NOL4L: variants seen among roughly 807,000 people sequenced by gnomAD.
The protein encoded by NOL4L is nucleolar protein 4 like, also known as nucleolar protein 4-like.
A neutral mutation model predicts 64.5 loss-of-function variants in NOL4L; 7 were observed. The ratio of observed to expected loss-of-function variants is 0.11; its 90% confidence interval spans 0.06 to 0.20. The LOEUF (loss-of-function observed/expected upper bound fraction) is 0.20, where lower values mean the gene tolerates loss of function less well. Ranked by LOEUF, NOL4L falls within the 10% of genes least tolerant of loss-of-function variation. The probability of loss-of-function intolerance (pLI) is 1.00; values close to 1 mark genes in which losing one functional copy is unlikely to be tolerated. For synonymous variants in NOL4L, 413 were observed against 401.0 expected (o/e 1.03, Z -0.36); for missense variants, 680 against 967.1 (o/e 0.70, Z 3.94).
At chr20:32,465,849 G>A (rs1027599419) in intron 5 of NOL4L, among the ~76,000 whole-genome samples, 1 of 152,240 alleles carries the variant, frequency 6.6e-6, no homozygotes. Flanking sequence ...TGCCTCAGGA[G>A]GGCCTGTCCC....
intron 1 of NOL4L, among the ~76,000 whole-genome samples, chr20:32,569,896 T>A (rs1979655493): frequency 2.0e-5 from 3 of 152,306 alleles, no homozygotes; most frequent in Non-Finnish European, 4.4e-5. Context: ...CAAAATGTGC[T>A]GAACAAATCA....
intron 4 of NOL4L, 147 bp downstream of exon 4, chr20:32,511,200 G>T: frequency 1.8e-6 from 1 of 570,468 alleles, no homozygotes. Flanking sequence ...CCGCCTCTCC[G>T]CCTGGACAAC....
At chr20:32,454,359 C>T (rs749110824) in intron 6 of NOL4L, among the ~76,000 whole-genome samples, 2 of 152,140 alleles carry the variant, frequency 1.3e-5, no homozygotes, top group African/African-American at 2.4e-5. Flanking sequence ...CTCCTGTCTG[C>T]CCCCCACCCA....
chr20:32,510,192 G>A (rs2017333630), intron 4 of NOL4L: 1 of 358,610 alleles, frequency 2.8e-6, no homozygotes. Context: ...GGCACGCTCA[G>A]ATGAGAAGAC....
At chr20:32,576,214 GGAA>G (rs1483427595) in intron 1 of NOL4L, among the ~76,000 whole-genome samples, 1 of 152,176 alleles carries the variant, frequency 6.6e-6, no homozygotes, top group African/African-American at 2.4e-5. Flanking sequence ...GCTGTTTGTG[GGAA>G]GAAGGGGTTA....
chr20:32,534,016 A>T (rs1178419922), intron 1 of NOL4L, among the ~76,000 whole-genome samples: 1 of 152,206 alleles, frequency 6.6e-6, no homozygotes, highest in Non-Finnish European at 1.5e-5. Context: ...TGTCATCTCC[A>T]TTAGAGCTTC....
At chr20:32,525,921 C>T (rs1320339301) in intron 2 of NOL4L, among the ~76,000 whole-genome samples, 3 of 152,142 alleles carry the variant, frequency 2.0e-5, no homozygotes, top group Non-Finnish European at 2.9e-5. Context: ...CCATGCCCAG[C>T]TAATTTTTGT....
At chr20:32,556,089 G>C (rs1448473261) in intron 1 of NOL4L, among the ~76,000 whole-genome samples, 1 of 152,244 alleles carries the variant, frequency 6.6e-6, no homozygotes, top group East Asian at 1.9e-4. Flanking sequence ...CACAGTGCCA[G>C]GTGCATAGTA....
At position 32,464,235 on chromosome 20, in the gene NOL4L, CTG is replaced by C. The variant is rs1477951715; in HGVS notation, c.842-7842_842-7841del. Among the ~76,000 whole-genome samples, 2 of 152,328 alleles carry C rather than the reference CTG, an allele frequency of 1.3e-5. No individual in the cohort carries two copies. The highest frequency in any genetic ancestry group is 2.1e-4 in the South Asian group (1 of 4,828). On this transcript the variant is annotated intron_variant, in intron 5 of 10. Transcript: ENST00000621426. This position sits in a 1 kb window ranked among gnomAD's most constrained non-coding sequence, Gnocchi z 5.6. ...GCTTTGACAAAGGCCAGCGCCCAGG[CTG>C]TGTTTACACGATGCGTAGTTCCAAG...
At chr20:32,492,673 C>G (rs781521749) in intron 4 of NOL4L, among the ~76,000 whole-genome samples, 1 of 152,260 alleles carries the variant, frequency 6.6e-6, no homozygotes, top group Admixed American at 6.5e-5. Context: ...CCACTGGACA[C>G]CAGGCACCTG....
At chr20:32,527,691 TGCGGA>T in intron 2 of NOL4L, 62 bp downstream of exon 2, 1 of 1,485,070 alleles carries the variant, frequency 6.7e-7, no homozygotes, top group Non-Finnish European at 9.0e-7. Flanking sequence ...GCCCAACATG[TGCGGA>T]GCCCGTGGCC....
intron 4 of NOL4L, among the ~76,000 whole-genome samples, chr20:32,504,557 CA>C (rs551239944): frequency 2.3e-3 from 288 of 124,014 alleles, no homozygotes; most frequent in Admixed American, 3.2e-3. Context: ...GAGACTCCAT[CA>C]AAAAAAAAAA....
intron 4 of NOL4L, among the ~76,000 whole-genome samples, chr20:32,488,041 T>G (rs935036768): frequency 2.6e-5 from 4 of 152,070 alleles, no homozygotes; most frequent in African/African-American, 9.7e-5. Context: ...GCCATTCTTG[T>G]GTCTCAGCCT....
At chr20:32,455,782 A>T (rs1047339768) in intron 6 of NOL4L, among the ~76,000 whole-genome samples, 1 of 152,320 alleles carries the variant, frequency 6.6e-6, no homozygotes, top group South Asian at 2.1e-4. Context: ...CTGTGCCGAA[A>T]GTGGCCACTT....
Position 32,527,762 on chromosome 20 carries a change from C to T in NOL4L, c.473G>A (p.Arg158Gln). The change falls in exon 2 of 11, where the codon CGA becomes CAA. Residue 158 changes from arginine (R) to glutamine (Q), a missense_variant. By Grantham distance (43) the Arg-to-Gln change is conservative (BLOSUM62 1). Transcript: ENST00000621426. ...GCAAAGAGACAGAAATCTCACCGCTCGGTAGGTTTTCTTCTGCCCAGCGTG... is the reference window on the plus strand; with the variant it reads ...GCAAAGAGACAGAAATCTCACCGCTTGGTAGGTTTTCTTCTGCCCAGCGTG... ...PKHAGQKKTY[R>Q]AIAETYAFLP... is the part of the protein sequence containing the mutation. 6.5e-7 allele frequency: 1 copy of T among 1,546,752 alleles called. No homozygotes were observed. The highest frequency in any genetic ancestry group is 1.2e-5 in the South Asian group (1 of 83,840).
At chr20:32,528,536 G>C (rs141860075) in intron 1 of NOL4L, among the ~76,000 whole-genome samples, 1 of 152,256 alleles carries the variant, frequency 6.6e-6, no homozygotes, top group Non-Finnish European at 1.5e-5. Context: ...CCGTGTGAAC[G>C]GGGCGGCCGT....
intron 1 of NOL4L, among the ~76,000 whole-genome samples, chr20:32,536,926 G>A (rs1428820452): frequency 6.7e-6 from 1 of 148,700 alleles, no homozygotes; most frequent in East Asian, 2.0e-4. Flanking sequence ...GCCTCTAGGC[G>A]CGCGCCCGCT....
intron 1 of NOL4L, chr20:32,537,003 G>C: frequency 2.4e-6 from 2 of 822,712 alleles, no homozygotes; most frequent in Non-Finnish European, 2.9e-6. Flanking sequence ...CGCGCCCGCC[G>C]GCCTCGCGTC....
rs2012244925 is a variant in NOL4L, at chr20:32,444,366, A to T, written c.*3230T>A. The T allele has an allele frequency of 6.6e-6, 1 of 152,232 alleles. No homozygotes were observed. Among genetic ancestry groups the T allele is most frequent in the Admixed American group, 6.5e-5 (1 of 15,294 alleles). 9.4% of individuals were successfully genotyped at this position (152,232 alleles called of 1,614,324 possible). A position where few individuals can be genotyped will look rare whatever the true frequency, so the allele number is the denominator to read the frequency against. On this transcript the variant is annotated 3_prime_UTR_variant, in exon 11 of 11. Transcript: ENST00000621426. ...GTTTTACAAAAAATTACAAATTAAA[A>T]GTATCAACCCTCTGAGTTCAAAGCA...
Sources: gnomAD v4.1 joint callset for allele counts (sites outside exome capture counted in the v4.1 genomes callset) on GRCh38, gnomAD v4.1.1 for gene constraint, Gnocchi (gnomAD v3.1) non-coding constraint, MANE v1.5 for transcripts, NCBI Gene and HGNC (gene_info 2026-07-23, HGNC 2026-07-21) for gene names.